The following E2F8 variants were observed in gnomAD, a reference collection of about 807,000 sequenced individuals.
E2F8 encodes the protein E2F transcription factor 8, also known as transcription factor E2F8.
In E2F8, 35 loss-of-function variants were observed where a neutral mutation model predicts 80.8. The ratio of observed to expected loss-of-function variants is 0.43; its 90% CI spans 0.33 to 0.57. The LOEUF (loss-of-function observed/expected upper bound fraction) is 0.57. E2F8 is among the 20% of genes least tolerant of loss of function. The pLI, the probability that E2F8 is intolerant of heterozygous loss-of-function variation, is 0.04. For missense variants in E2F8, 975 were observed against 1,056.2 expected (o/e 0.92, Z 1.07); for synonymous variants, 386 against 395.0 (o/e 0.98, Z 0.27).
chr11:19,228,805 A>G (rs1851298814), intron 10 of E2F8, among the ~76,000 whole-genome samples: 1 of 152,222 alleles, frequency 6.6e-6, no homozygotes. Context: ...ACTAATATCT[A>G]TTATGTCTGC....
chr11:19,231,274 C>T (rs924110561), intron 7 of E2F8, among the ~76,000 whole-genome samples: 4 of 152,278 alleles, frequency 2.6e-5, no homozygotes, highest in African/African-American at 9.6e-5. Context: ...CTCAAGGTCT[C>T]TCAACTGGGA....
chr11:19,224,719 G>T lies in E2F8; in HGVS notation c.2543C>A (p.Ser848Tyr), dbSNP rs146850503. The part of the protein sequence containing the change: ...CMDFEGANKT[S>Y]LGTLFVPQRK... ...CTGTGGGACAAAGAGAGTTCCTAAG[G>T]AGGTTTTATTAGCACCCTCAAAATC... The change falls in exon 13 of 13, where the codon TCC becomes TAC. Residue 848 changes from serine (S) to tyrosine (Y), a missense_variant. Transcript: ENST00000250024. 1 of 1,614,076 alleles carries T rather than the reference G, an allele frequency of 6.2e-7. No homozygotes were observed. Among genetic ancestry groups the T allele is most frequent in the Non-Finnish European group, 8.5e-7 (1 of 1,180,044 alleles).
rs1851543769 is a variant in E2F8, at chr11:19,237,300, C to A, written c.451+14G>T. On this transcript the variant is annotated intron_variant, in intron 4 of 12. Transcript: ENST00000250024. ...TAATTATTAATTCTTTCAGTGAGTT[C>A]TTTGCATACTTACTAAGTTCCTCTG... The A allele has an allele frequency of 1.9e-6, 3 of 1,613,460 alleles. No individual in the cohort carries two copies. Among genetic ancestry groups the A allele is most frequent in the Non-Finnish European group, 2.5e-6 (3 of 1,179,566 alleles).
rs566498935 is a variant in E2F8, at chr11:19,224,834, G to A, written c.2428C>T (p.Pro810Ser). 3.1e-6 allele frequency: 5 copies of A among 1,614,152 alleles called. No homozygotes were observed. Among genetic ancestry groups the A allele is most frequent in the African/African-American group, 2.7e-5 (2 of 75,044 alleles). Residue 810 changes from proline to serine, a missense_variant, in exon 13 of 13, where the codon CCT becomes TCT. Transcript: ENST00000250024. Reference protein sequence around the residue: ...VAVTGAQQPVPVTPKGSQLVA... With the variant: ...VAVTGAQQPVSVTPKGSQLVA... ...AATTGTGACCCTTTGGGTGTCACAG[G>A]AACAGGCTGATTGGAAAGAGAAGAA... is the stretch of plus-strand genomic sequence containing the variant.
chr11:19,235,616 T>C (rs1851496643), intron 4 of E2F8, among the ~76,000 whole-genome samples: 2 of 151,408 alleles, frequency 1.3e-5, no homozygotes, highest in Admixed American at 1.3e-4. Context: ...GCCACAGCAC[T>C]CCAGCCTGGG....
At chr11:19,241,210 C>G (rs1475360877), upstream of E2F8, among the ~76,000 whole-genome samples, 1 of 152,174 alleles carries the variant, frequency 6.6e-6, no homozygotes, top group South Asian at 2.1e-4. The surrounding 1 kb of genome is among the most constrained non-coding windows in gnomAD (Gnocchi z 4.5). Context: ...CGGGCAAACC[C>G]GCGCCCGGAA....
At chr11:19,228,634 A>C (rs913588816) in intron 10 of E2F8, among the ~76,000 whole-genome samples, 1 of 152,236 alleles carries the variant, frequency 6.6e-6, no homozygotes, top group Non-Finnish European at 1.5e-5. Flanking sequence ...GATGCGGAAA[A>C]ATAAGACAGA....
At chr11:19,224,874 C>T in intron 12 of E2F8, 34 bp from the exon 13 acceptor site, 1 of 1,610,372 alleles carries the variant, frequency 6.2e-7, no homozygotes, top group South Asian at 1.1e-5. Context: ...CAAAAGAAGT[C>T]AACCACACAC....
chr11:19,232,707 G>C (rs1035181743), intron 6 of E2F8, among the ~76,000 whole-genome samples: 5 of 152,186 alleles, frequency 3.3e-5, no homozygotes, highest in Non-Finnish European at 5.9e-5. Flanking sequence ...ATCTTCTAAT[G>C]AGGATTCAGA....
chr11:19,224,577 A>G lies in E2F8; in HGVS notation c.*81T>C. The G allele has an allele frequency of 1.4e-6, 2 of 1,441,756 alleles. No homozygotes were observed. The highest frequency in any genetic ancestry group is 1.9e-6 in the Non-Finnish European group (2 of 1,053,610). 89.3% of individuals were successfully genotyped at this position (1,441,756 alleles called of 1,614,324 possible). A position where few individuals can be genotyped will look rare whatever the true frequency, so the allele number is the denominator to read the frequency against. ...AACGTATTTACAGTATTTTCAGAGAATGTGTTCTCCAAATCAGTCTGTGTA... is the reference window on the plus strand; with the variant it reads ...AACGTATTTACAGTATTTTCAGAGAGTGTGTTCTCCAAATCAGTCTGTGTA... On this transcript the variant is annotated 3_prime_UTR_variant, in exon 13 of 13. Transcript: ENST00000250024.
upstream of E2F8, among the ~76,000 whole-genome samples, chr11:19,241,237 C>T (rs923428453): frequency 6.6e-6 from 1 of 152,208 alleles, no homozygotes; most frequent in Non-Finnish European, 1.5e-5. The surrounding 1 kb of genome is among the most constrained non-coding windows in gnomAD (Gnocchi z 4.5). Flanking sequence ...CAACCCCGCC[C>T]CTCCCCCTCG....
rs753481677 is a variant in E2F8, at chr11:19,229,571, C to A, written c.1776G>T (p.Lys592Asn). The part of the protein sequence containing the change: ...LLPAPERQGA[K>N]SRTREPAGER... ...CTCCAGCTGGCTCCCTGGTTCGGCTCTTTGCCCCTTGCCTCTCTGGTGCTG... is the reference window on the plus strand; with the variant it reads ...CTCCAGCTGGCTCCCTGGTTCGGCTATTTGCCCCTTGCCTCTCTGGTGCTG... The change falls in exon 10 of 13, where the codon AAG becomes AAT. Residue 592 changes from lysine (K) to asparagine (N), a missense_variant. Physicochemically the swap from Lys to Asn is moderately conservative, Grantham distance 94. Coordinates refer to ENST00000250024, the MANE Select transcript of E2F8 (RefSeq NM_024680.4). This position sits in a 1 kb window ranked among gnomAD's most constrained non-coding sequence, Gnocchi z 4.3. The A allele has an allele frequency of 1.2e-6, 2 of 1,614,238 alleles. No homozygotes were observed. Among genetic ancestry groups the A allele is most frequent in the Non-Finnish European group, 1.7e-6 (2 of 1,180,050 alleles).
chr11:19,232,438 G>A, intron 6 of E2F8, 67 bp from the exon 7 acceptor site: 1 of 1,381,960 alleles, frequency 7.2e-7, no homozygotes, highest in East Asian at 2.3e-5. Flanking sequence ...TCCTTCAGAA[G>A]GACTTCATGT....
Position 19,229,661 on chromosome 11 carries a change from G to T in E2F8, c.1686C>A (p.Thr562=). The part of the protein sequence containing the change: ...ATGSKDSTDA[T]TEKAANDTSK... ...AGGTATCATTGGCTGCCTTCTCAGTGGTGGCATCTGTGGAGTCTTTTGAGC... is the reference window on the plus strand; with the variant it reads ...AGGTATCATTGGCTGCCTTCTCAGTTGTGGCATCTGTGGAGTCTTTTGAGC... Residue 562 remains threonine (T), a synonymous_variant, in exon 10 of 13, where the codon ACC becomes ACA. Transcript: ENST00000250024. This position sits in a 1 kb window ranked among gnomAD's most constrained non-coding sequence, Gnocchi z 4.3. 1 of 1,614,192 alleles carries T rather than the reference G, an allele frequency of 6.2e-7. No homozygotes were observed. Among genetic ancestry groups the T allele is most frequent in the African/African-American group, 1.3e-5 (1 of 75,046 alleles).
In E2F8 at chr11:19,225,611, A is replaced by G. The variant is rs1851216681; in HGVS notation, c.2031T>C (p.Val677=). 1 of 1,612,692 alleles carries G rather than the reference A, an allele frequency of 6.2e-7. No individual in the cohort carries two copies. ...HRIYSSPIAG[V]IPVTSSELTA... ...TGAGTTCAGATGATGTCACTGGAATAACACCTGGAAGGAAAAGGGGGAAGA... is the reference window on the plus strand; with the variant it reads ...TGAGTTCAGATGATGTCACTGGAATGACACCTGGAAGGAAAAGGGGGAAGA... The change falls in exon 12 of 13, where the codon GTT becomes GTC. Residue 677 remains valine, a synonymous_variant. Transcript: ENST00000250024.
At chr11:19,230,933 G>C (rs1243941709) in intron 7 of E2F8, 99 bp from the exon 8 acceptor site, 1 of 1,067,598 alleles carries the variant, frequency 9.4e-7, no homozygotes, top group African/African-American at 1.6e-5. Flanking sequence ...GCAAGTTACA[G>C]AGCACCGACC....
At position 19,234,477 on chromosome 11, in the gene E2F8, G is replaced by C; in HGVS notation, c.811C>G (p.Gln271Glu). ...RKDKSLRVMS[Q>E]KFVMLFLVST... ...ACCAAAAACAGCATCACAAATTTCT[G>C]GCTCATTACCCTTAAAGACTTGTCT... Residue 271 changes from glutamine to glutamate, a missense_variant, in exon 6 of 13, where the codon CAG becomes GAG. By Grantham distance (29) the Gln-to-Glu change is conservative (BLOSUM62 2). Coordinates refer to ENST00000250024, the MANE Select transcript of E2F8 (RefSeq NM_024680.4). 2 of 1,614,150 alleles carry C rather than the reference G, an allele frequency of 1.2e-6. No individual in the cohort carries two copies. The highest frequency in any genetic ancestry group is 2.2e-5 in the South Asian group (2 of 91,076).
At position 19,240,231 on chromosome 11, in the gene E2F8, C is replaced by A; in HGVS notation, c.-109-1G>T. 1 of 619,210 alleles carries A rather than the reference C, an allele frequency of 1.6e-6. No homozygotes were observed. The highest frequency in any genetic ancestry group is 2.6e-6 in the Non-Finnish European group (1 of 388,698). The allele number at this position is 619,210 out of a possible 1,614,324, so 38.4% of individuals were successfully genotyped here. The stretch of plus-strand genomic sequence containing the variant: ...CAATTGTACTAAAAGTTTTAATATC[C>A]TTAAAGAAAAAAGGAAATAGAAAAA... On this transcript the variant is annotated splice_acceptor_variant, in intron 1 of 12. Coordinates refer to ENST00000250024, the MANE Select transcript of E2F8 (RefSeq NM_024680.4). LOFTEE classifies it low-confidence loss of function (5UTR_SPLICE).
At chr11:19,233,359 G>T (rs1408528225) in intron 6 of E2F8, among the ~76,000 whole-genome samples, 1 of 152,166 alleles carries the variant, frequency 6.6e-6, no homozygotes, top group Non-Finnish European at 1.5e-5. Flanking sequence ...TGTGCTGCAG[G>T]TCACTTCTGG....
Sources: gnomAD v4.1 joint callset for allele counts (sites outside exome capture counted in the v4.1 genomes callset) on GRCh38, gnomAD v4.1.1 for gene constraint, Gnocchi (gnomAD v3.1) non-coding constraint, MANE v1.5 for transcripts, NCBI Gene and HGNC (gene_info 2026-07-23, HGNC 2026-07-21) for gene names.